MAP2K5: variants seen among roughly 807,000 people sequenced by gnomAD.
MAP2K5 encodes dual specificity mitogen-activated protein kinase kinase 5.
In MAP2K5, 49 loss-of-function variants were observed where a neutral mutation model predicts 83.1. The observed-to-expected ratio is 0.59, with a 90% CI of 0.47 to 0.75. MAP2K5 has a LOEUF of 0.75. MAP2K5 is among the 30% of genes least tolerant of loss of function. MAP2K5 has a pLI of 0.00. For synonymous variants in MAP2K5, 202 were observed against 191.8 expected (o/e 1.05, Z -0.44); for missense variants, 457 against 557.5 (o/e 0.82, Z 1.82).
In MAP2K5 at chr15:67,724,151, G is replaced by C. The variant is rs1464644196; in HGVS notation, c.1045-3765G>C. The stretch of plus-strand genomic sequence containing the variant: ...ATTTAGTACAGTGACATATCTGCAG[G>C]CCATTTCAGAGAAGATTACATACTC... On this transcript the variant is annotated intron_variant, in intron 16 of 21. Coordinates refer to ENST00000178640, the MANE Select transcript of MAP2K5 (RefSeq NM_145160.3). The surrounding 1 kb of genome is among the most constrained non-coding windows in gnomAD (Gnocchi z 4.4). 6.6e-6 allele frequency among the ~76,000 whole-genome samples: 1 copy of C among 152,044 alleles called. No individual in the cohort carries two copies. The highest frequency in any genetic ancestry group is 1.5e-5 in the Non-Finnish European group (1 of 68,020).
intron 5 of MAP2K5, among the ~76,000 whole-genome samples, chr15:67,586,312 A>T (rs2085290107): frequency 6.6e-6 from 1 of 152,200 alleles, no homozygotes; most frequent in African/African-American, 2.4e-5. Flanking sequence ...ACATATATCT[A>T]GTTAATGTCT....
Position 67,592,965 on chromosome 15 carries a change from C to A in MAP2K5, c.471C>A (p.Ala157=). The change falls in exon 7 of 22, where the codon GCC becomes GCA. Residue 157 remains alanine, a synonymous_variant. Coordinates refer to ENST00000178640, the MANE Select transcript of MAP2K5 (RefSeq NM_145160.3). ...CTGCTGAACTGAAAAAAATACTAGC[C>A]AATGGCCAGGTAGGTATTATTATAT... ...KSSAELKKIL[A]NGQMNEQDIR... is the part of the protein sequence containing the mutation. The A allele has an allele frequency of 6.2e-7, 1 of 1,602,462 alleles. No individual in the cohort carries two copies. Among genetic ancestry groups the A allele is most frequent in the Non-Finnish European group, 8.5e-7 (1 of 1,171,798 alleles).
rs2085160951 is a variant in MAP2K5, at chr15:67,580,693, T to C, written c.253-61T>C. Reference sequence around the variant, plus strand: ...AAAGTACTGTGAATTAAACAACCCATAAGTGTCTGTTCCAGTATTCATACA... The same window carrying C: ...AAAGTACTGTGAATTAAACAACCCACAAGTGTCTGTTCCAGTATTCATACA... On this transcript the variant is annotated intron_variant, in intron 3 of 21. Transcript: ENST00000178640. 9.3e-5 allele frequency: 96 copies of C among 1,035,898 alleles called. 1 individual carries two copies. The South Asian group carries it at 1.1e-3, about 12-fold the overall frequency. The allele number at this position is 1,035,898 out of a possible 1,614,324, so 64.2% of individuals were successfully genotyped here.
intron 6 of MAP2K5, among the ~76,000 whole-genome samples, chr15:67,592,458 A>G (rs1046431239): frequency 6.6e-6 from 1 of 152,224 alleles, no homozygotes; most frequent in Non-Finnish European, 1.5e-5. Flanking sequence ...ATTTATTTGT[A>G]CTACATATTT....
intron 9 of MAP2K5, among the ~76,000 whole-genome samples, chr15:67,635,208 CAG>C (rs1269623733): frequency 7.5e-6 from 1 of 133,450 alleles, no homozygotes; most frequent in Non-Finnish European, 1.6e-5. Flanking sequence ...TTTTTTGAGA[CAG>C]AGTCTCGCTC....
At chr15:67,608,889 G>A (rs1322807080) in intron 8 of MAP2K5, among the ~76,000 whole-genome samples, 1 of 152,114 alleles carries the variant, frequency 6.6e-6, no homozygotes, top group Non-Finnish European at 1.5e-5. Context: ...GGTTACCTTG[G>A]TGGGAGTCCT....
chr15:67,799,150 CAG>C lies in MAP2K5; in HGVS notation c.1243-7493_1243-7492del, dbSNP rs2090658218. Among the ~76,000 whole-genome samples, 6 of 152,328 alleles carry C rather than the reference CAG, an allele frequency of 3.9e-5. 1 individual carries two copies. The Middle Eastern group carries it at 0.017, about 432-fold the overall frequency. ...CGCCACTGCCCTCCAGCCTGGGCGA[CAG>C]AGCGAGACTCCGTCTCAAAATAAAA... On this transcript the variant is annotated intron_variant, in intron 21 of 21. Coordinates refer to ENST00000178640, the MANE Select transcript of MAP2K5 (RefSeq NM_145160.3).
rs565031201 is a variant in MAP2K5, at chr15:67,619,164, C to T, written c.546-11724C>T. Reference sequence around the variant, plus strand: ...CTGGAATCCCCTTCCCCTAGATGTCCGAATGGTGTGCCCCCATACTGCTCA... The same window carrying T: ...CTGGAATCCCCTTCCCCTAGATGTCTGAATGGTGTGCCCCCATACTGCTCA... On this transcript the variant is annotated intron_variant, in intron 8 of 21. Transcript: ENST00000178640. 1.6e-4 allele frequency among the ~76,000 whole-genome samples: 25 copies of T among 152,232 alleles called. 1 individual carries two copies. In the Middle Eastern group the frequency reaches 0.017, roughly 104 times the overall value.
rs1053912114 is a variant in MAP2K5 at position 67,677,073 on chromosome 15, C to T, written c.847+12428C>T. ...CCTCACACTTTCCTGTTAACATCTCCTTTTCTTAGAAAATTAGCCTGTGAG... is the reference window on the plus strand; with the variant it reads ...CCTCACACTTTCCTGTTAACATCTCTTTTTCTTAGAAAATTAGCCTGTGAG... On this transcript the variant is annotated intron_variant, in intron 13 of 21. Transcript: ENST00000178640. This position sits in a 1 kb window ranked among gnomAD's most constrained non-coding sequence, Gnocchi z 4.2. 1.3e-5 allele frequency among the ~76,000 whole-genome samples: 2 copies of T among 152,152 alleles called. No homozygotes were observed. Among genetic ancestry groups the T allele is most frequent in the Non-Finnish European group, 2.9e-5 (2 of 68,006 alleles).
intron 16 of MAP2K5, among the ~76,000 whole-genome samples, chr15:67,716,927 A>C (rs1566940086): frequency 6.6e-6 from 1 of 152,218 alleles, no homozygotes; most frequent in African/African-American, 2.4e-5. Context: ...TCACTTTATA[A>C]GCATCAAAGT....
chr15:67,574,176 C>T (rs1185307247), intron 3 of MAP2K5, among the ~76,000 whole-genome samples: 5 of 152,272 alleles, frequency 3.3e-5, no homozygotes, highest in African/African-American at 4.8e-5. Context: ...ATTTATGAAG[C>T]GTGGAAGCCA....
chr15:67,607,586 T>C (rs2085807563), intron 8 of MAP2K5, among the ~76,000 whole-genome samples: 1 of 152,234 alleles, frequency 6.6e-6, no homozygotes, highest in African/African-American at 2.4e-5. Flanking sequence ...CAGACTCAGT[T>C]TCCACCCGAA....
At position 67,779,394 on chromosome 15, in the gene MAP2K5, C is replaced by T. The variant is rs1202657107; in HGVS notation, c.1242+6642C>T. On this transcript the variant is annotated intron_variant, in intron 21 of 21. Coordinates refer to ENST00000178640, the MANE Select transcript of MAP2K5 (RefSeq NM_145160.3). This position sits in a 1 kb window ranked among gnomAD's most constrained non-coding sequence, Gnocchi z 4.6. ...GCTTTAATTTGAATTTTTGATGACACATTAGCACTTCAGCAAGAACAGAGA... is the reference window on the plus strand; with the variant it reads ...GCTTTAATTTGAATTTTTGATGACATATTAGCACTTCAGCAAGAACAGAGA... Among the ~76,000 whole-genome samples, 1 of 152,206 alleles carries T rather than the reference C, an allele frequency of 6.6e-6. No homozygotes were observed. Among genetic ancestry groups the T allele is most frequent in the Non-Finnish European group, 1.5e-5 (1 of 68,036 alleles).
intron 21 of MAP2K5, among the ~76,000 whole-genome samples, chr15:67,776,649 G>C (rs1263771567): frequency 1.3e-5 from 2 of 152,196 alleles, no homozygotes; most frequent in South Asian, 2.1e-4. Context: ...TGGGGGTTCA[G>C]GTTGGTTTTG....
chr15:67,567,618 C>T (rs1168843270), intron 3 of MAP2K5, among the ~76,000 whole-genome samples: 1 of 152,120 alleles, frequency 6.6e-6, no homozygotes, highest in Non-Finnish European at 1.5e-5. Flanking sequence ...CCCGCCTCGG[C>T]CTCCCAAAGT....
chr15:67,574,098 T>A (rs1377710895), intron 3 of MAP2K5, among the ~76,000 whole-genome samples: 1 of 152,188 alleles, frequency 6.6e-6, no homozygotes, highest in Non-Finnish European at 1.5e-5. Flanking sequence ...CCAAGAACCA[T>A]CTCTTGGGGT....
At chr15:67,647,652 G>A (rs932653910) in intron 11 of MAP2K5, among the ~76,000 whole-genome samples, 5 of 151,848 alleles carry the variant, frequency 3.3e-5, no homozygotes, top group African/African-American at 1.2e-4. Flanking sequence ...TTGGGAGGCC[G>A]AGGCAAGCGG....
Position 67,750,222 on chromosome 15 carries a change from C to T in MAP2K5, c.1134+1621C>T, listed in dbSNP as rs2089688883. On this transcript the variant is annotated intron_variant, in intron 19 of 21. Coordinates refer to ENST00000178640, the MANE Select transcript of MAP2K5 (RefSeq NM_145160.3). The surrounding 1 kb of genome is among the most constrained non-coding windows in gnomAD (Gnocchi z 4.2). ...TTAAATGATATATTTTTCTTCATAG[C>T]ATTTCTTTCTTAGTCAAGAGAAAAA... 1.3e-5 allele frequency among the ~76,000 whole-genome samples: 2 copies of T among 152,138 alleles called. No homozygotes were observed. The highest frequency in any genetic ancestry group is 4.8e-5 in the African/African-American group (2 of 41,440).
intron 8 of MAP2K5, among the ~76,000 whole-genome samples, chr15:67,624,725 G>A (rs1051951787): frequency 6.6e-6 from 1 of 151,866 alleles, no homozygotes; most frequent in Non-Finnish European, 1.5e-5. Context: ...TGCCTCCTGG[G>A]TTCAAGCAAT....
Sources: gnomAD v4.1 joint callset for allele counts (sites outside exome capture counted in the v4.1 genomes callset) on GRCh38, gnomAD v4.1.1 for gene constraint, Gnocchi (gnomAD v3.1) non-coding constraint, MANE v1.5 for transcripts, NCBI Gene and HGNC (gene_info 2026-07-23, HGNC 2026-07-21) for gene names.